The following SLC12A5 variants were observed in gnomAD, a reference collection of about 807,000 sequenced individuals.
The protein encoded by SLC12A5 is solute carrier family 12 member 5.
SLC12A5 carries 18 observed loss-of-function variants against 124.0 expected under a neutral mutation model. The ratio of observed to expected loss-of-function variants is 0.15; its 90% confidence interval spans 0.10 to 0.22. The LOEUF (loss-of-function observed/expected upper bound fraction) is 0.22. SLC12A5 is among the 10% of genes least tolerant of loss of function. SLC12A5 has a pLI of 1.00. For missense variants in SLC12A5, 867 were observed against 1,478.7 expected (o/e 0.59, Z 6.78); for synonymous variants, 589 against 568.0 (o/e 1.04, Z -0.53).
chr20:46,047,149 C>T (rs1320404796), intron 14 of SLC12A5, among the ~76,000 whole-genome samples: 4 of 152,240 alleles, frequency 2.6e-5, no homozygotes, highest in Non-Finnish European at 5.9e-5. Flanking sequence ...CCCCTGAGAC[C>T]CTGGCCTCAG....
chr20:46,037,164 C>T (rs993251430), intron 5 of SLC12A5, 91 bp from the exon 6 acceptor site: 5 of 1,492,052 alleles, frequency 3.4e-6, no homozygotes, highest in East Asian at 2.3e-5. Context: ...CCTGGAGCAA[C>T]CCCCTTCTGC....
chr20:46,033,597 G>C (rs554039538), intron 1 of SLC12A5, among the ~76,000 whole-genome samples: 1 of 152,214 alleles, frequency 6.6e-6, no homozygotes, highest in East Asian at 1.9e-4. Flanking sequence ...TATCCAGGTG[G>C]CTTCTGCATG....
intron 6 of SLC12A5, 128 bp from the exon 7 acceptor site, chr20:46,040,245 C>T: frequency 1.6e-5 from 22 of 1,354,400 alleles, no homozygotes; most frequent in Non-Finnish European, 2.2e-5. Flanking sequence ...TCTCCTATTA[C>T]TGGATGTCTT....
rs143072268 is a variant in SLC12A5 at position 46,041,416 on chromosome 20, C to T, written c.942C>T (p.Thr314=). The T allele has an allele frequency of 2.2e-4, 361 of 1,614,160 alleles. 2 individuals carry two copies. Among genetic ancestry groups the T allele is most frequent in the South Asian group, 1.2e-3 (109 of 91,078 alleles). ...CTTGGGAAGGAAATGAGACGGTGACCACACGGCTATGGGGCCTTTTCTGCT... is the reference window on the plus strand; with the variant it reads ...CTTGGGAAGGAAATGAGACGGTGACTACACGGCTATGGGGCCTTTTCTGCT... ...KLAWEGNETV[T]TRLWGLFCSS... is the part of the protein sequence containing the mutation. The change falls in exon 8 of 26, where the codon ACC becomes ACT. Residue 314 remains threonine (T), a synonymous_variant. Coordinates refer to ENST00000243964, the MANE Select transcript of SLC12A5 (RefSeq NM_020708.5).
upstream of SLC12A5, among the ~76,000 whole-genome samples, chr20:46,027,320 C>T (rs1045370131): frequency 4.6e-5 from 7 of 152,264 alleles, no homozygotes; most frequent in African/African-American, 1.4e-4. Context: ...CAAGTGGCAG[C>T]GATACTTGAT....
chr20:46,021,764 C>G, upstream of SLC12A5: 2 of 1,534,192 alleles, frequency 1.3e-6, no homozygotes, highest in Non-Finnish European at 1.7e-6. Flanking sequence ...CCTTTCCGCG[C>G]CATGAGCCGC....
intron 11 of SLC12A5, among the ~76,000 whole-genome samples, chr20:46,044,510 T>G (rs1356219398): frequency 6.6e-6 from 1 of 152,148 alleles, no homozygotes; most frequent in Non-Finnish European, 1.5e-5. Context: ...GAGCAGAGAT[T>G]AGGCAGCTTG....
At chr20:46,043,352 C>G (rs1364714707) in intron 9 of SLC12A5, 29 bp downstream of exon 9, 3 of 1,607,116 alleles carry the variant, frequency 1.9e-6, no homozygotes, top group Non-Finnish European at 1.7e-6. Flanking sequence ...AGGGAAGACT[C>G]TGCCTGTGAG....
At chr20:46,044,821 C>T (rs754536080) in intron 11 of SLC12A5, 145 bp from the exon 12 acceptor site, 5 of 847,148 alleles carry the variant, frequency 5.9e-6, no homozygotes, top group Middle Eastern at 2.3e-4. Context: ...AACAATGGAA[C>T]ATTTGGGGCT....
chr20:46,026,921 A>C (rs1213120347), upstream of SLC12A5, among the ~76,000 whole-genome samples: 1 of 152,236 alleles, frequency 6.6e-6, no homozygotes, highest in Non-Finnish European at 1.5e-5. Flanking sequence ...GCATGGGCTT[A>C]GTCTCTGAGT....
intron 16 of SLC12A5, among the ~76,000 whole-genome samples, chr20:46,049,310 A>G (rs954827776): frequency 1.3e-5 from 2 of 152,234 alleles, no homozygotes; most frequent in Non-Finnish European, 2.9e-5. Context: ...CGATGGATGT[A>G]GGAATGGATG....
chr20:46,046,520 G>C (rs1472221212), intron 14 of SLC12A5, 84 bp downstream of exon 14: 10 of 1,253,078 alleles, frequency 8.0e-6, no homozygotes, highest in Non-Finnish European at 1.2e-5. Context: ...CATCCCCTCT[G>C]GGTCTAAGGA....
intron 6 of SLC12A5, among the ~76,000 whole-genome samples, chr20:46,039,095 T>C (rs2084522299): frequency 6.6e-6 from 1 of 152,262 alleles, no homozygotes; most frequent in South Asian, 2.1e-4. Context: ...GTGTATTGCC[T>C]TCTAGTTTTT....
intron 4 of SLC12A5, 40 bp from the exon 5 acceptor site, chr20:46,036,701 C>T: frequency 1.9e-6 from 3 of 1,612,380 alleles, no homozygotes; most frequent in East Asian, 2.2e-5. Context: ...CACTGCGGCC[C>T]CTACCCCAGC....
intron 1 of SLC12A5, among the ~76,000 whole-genome samples, chr20:46,031,672 A>C (rs1178315308): frequency 1.3e-5 from 2 of 152,120 alleles, no homozygotes; most frequent in African/African-American, 4.8e-5. Context: ...CCCCAGGCCC[A>C]GCCCCAGGCC....
rs764947617 is a variant in SLC12A5 at position 46,053,599 on chromosome 20, C to T, written c.2569C>T (p.Arg857Cys). Residue 857 changes from arginine (R) to cysteine (C), a missense_variant, in exon 20 of 26, where the codon CGT becomes TGT. Arg to Cys is a radical substitution (Grantham distance 180). Coordinates refer to ENST00000243964, the MANE Select transcript of SLC12A5 (RefSeq NM_020708.5). This position sits in a 1 kb window ranked among gnomAD's most constrained non-coding sequence, Gnocchi z 4.7. ...GCAGGTCTGGCGGAAGTGCAAGATG[C>T]GTATCTTCACTGTGGCCCAGATGGA... Reference protein sequence around the residue: ...HHKVWRKCKMRIFTVAQMDDN... With the variant: ...HHKVWRKCKMCIFTVAQMDDN... 5.0e-6 allele frequency: 8 copies of T among 1,613,928 alleles called. No homozygotes were observed. Among genetic ancestry groups the T allele is most frequent in the African/African-American group, 1.3e-5 (1 of 75,058 alleles).
rs1454723831 is a variant in SLC12A5, at chr20:46,045,938, A to C, written c.1630A>C (p.Ile544Leu). ...PTWALLLTAC[I>L]CEIGILIASL... is the part of the protein sequence containing the mutation. Reference sequence around the variant, plus strand: ...CTGGGCCCTGCTCCTGACTGCCTGCATCTGCGAGATTGGCATCCTCATTGC... The same window carrying C: ...CTGGGCCCTGCTCCTGACTGCCTGCCTCTGCGAGATTGGCATCCTCATTGC... The change falls in exon 13 of 26, where the codon ATC becomes CTC. Residue 544 changes from isoleucine to leucine, a missense_variant. Physicochemically the swap from Ile to Leu is conservative, Grantham distance 5. This residue lies in a region of SLC12A5 where 152 missense variants were observed against 358.7 expected (regional missense o/e 0.42). Coordinates refer to ENST00000243964, the MANE Select transcript of SLC12A5 (RefSeq NM_020708.5). The surrounding 1 kb of genome is among the most constrained non-coding windows in gnomAD (Gnocchi z 4.9). The C allele has an allele frequency of 6.2e-7, 1 of 1,614,150 alleles. No individual in the cohort carries two copies. The highest frequency in any genetic ancestry group is 1.7e-5 in the Admixed American group (1 of 60,018).
At chr20:46,052,369 T>C (rs1405902757) in intron 18 of SLC12A5, among the ~76,000 whole-genome samples, 1 of 152,250 alleles carries the variant, frequency 6.6e-6, no homozygotes, top group Non-Finnish European at 1.5e-5. Flanking sequence ...GTTATCTCCA[T>C]CTTTTTTGAT....
Position 46,035,854 on chromosome 20 carries a change from G to T in SLC12A5, c.357G>T (p.Arg119=), listed in dbSNP as rs77659338. The T allele has an allele frequency of 0.07, 113,757 of 1,614,046 alleles. 4,329 individuals are homozygous for T. Among genetic ancestry groups the T allele is most frequent in the Middle Eastern group, 0.13 (765 of 6,058 alleles). ...TCTTTGGCGTCATCCTCTTCCTGCG[G>T]CTCACCTGGGTGGTGGGCATTGCAG... The part of the protein sequence containing the change: ...QNIFGVILFL[R]LTWVVGIAGI... Residue 119 remains arginine, a synonymous_variant, in exon 4 of 26, where the codon CGG becomes CGT. Coordinates refer to ENST00000243964, the MANE Select transcript of SLC12A5 (RefSeq NM_020708.5).
Sources: gnomAD v4.1 joint callset for allele counts (sites outside exome capture counted in the v4.1 genomes callset) on GRCh38, gnomAD v4.1.1 for gene constraint, gnomAD v4.1.1 regional missense constraint, Gnocchi (gnomAD v3.1) non-coding constraint, MANE v1.5 for transcripts, NCBI Gene and HGNC (gene_info 2026-07-23, HGNC 2026-07-21) for gene names.